ART3: variants seen among roughly 807,000 people sequenced by gnomAD.
ART3 encodes ADP-ribosyltransferase 3 (inactive), also known as ecto-ADP-ribosyltransferase 3.
Under a neutral mutation model 48.5 loss-of-function variants are expected in ART3, and 49 were observed. The observed-to-expected ratio is 1.01, with a 90% CI of 0.80 to 1.28. The LOEUF (loss-of-function observed/expected upper bound fraction) is 1.28, where lower values mean the gene tolerates loss of function less well. Among genes scored for constraint, ART3 ranks in the 50% most tolerant of loss-of-function variants. The pLI is 0.00. For synonymous variants in ART3, 145 were observed against 157.2 expected, an observed-to-expected ratio of 0.92 and a Z score of 0.58; for missense variants, 438 against 454.3, an observed-to-expected ratio of 0.96 and a Z score of 0.33.
At chr4:76,104,062 C>A in intron 9 of ART3, 93 bp downstream of exon 9, 2 of 1,343,120 alleles carry the variant, frequency 1.5e-6, no homozygotes, top group South Asian at 1.2e-5. Flanking sequence ...GACTATTATT[C>A]ATGAATATTT....
chr4:76,034,783 T>A, intron 1 of ART3: 2 of 1,519,114 alleles, frequency 1.3e-6, no homozygotes, highest in Non-Finnish European at 1.8e-6. Flanking sequence ...CTTCATATGT[T>A]TTGATATTTT....
Position 76,082,552 on chromosome 4 carries a change from T to G in ART3, c.781+17T>G, listed in dbSNP as rs1168372368. On this transcript the variant is annotated intron_variant, in intron 3 of 11. Coordinates refer to ENST00000355810, the MANE Select transcript of ART3 (RefSeq NM_001130016.3). ...TTCTAGGTGGTAAGTGTCTGCTCTG[T>G]CTGTGCTTGGCTGGGAGGGAAGGAG... 2.6e-6 allele frequency: 4 copies of G among 1,538,670 alleles called. No homozygotes were observed. Among genetic ancestry groups the G allele is most frequent in the Non-Finnish European group, 3.5e-6 (4 of 1,144,458 alleles).
intron 1 of ART3, among the ~76,000 whole-genome samples, chr4:76,039,090 G>T (rs939203772): frequency 1.4e-5 from 2 of 142,546 alleles, no homozygotes; most frequent in African/African-American, 5.3e-5. Context: ...ATAGACTGGG[G>T]ATAATAATAG....
intron 6 of ART3, 128 bp from the exon 7 acceptor site, chr4:76,100,667 T>G: frequency 8.8e-7 from 1 of 1,141,304 alleles, no homozygotes; most frequent in East Asian, 2.4e-5. Flanking sequence ...GCTTGCATTT[T>G]GCAAGATACC....
intron 1 of ART3, among the ~76,000 whole-genome samples, chr4:76,058,279 G>A (rs1418624207): frequency 1.3e-5 from 2 of 152,076 alleles, no homozygotes; most frequent in Non-Finnish European, 2.9e-5. Flanking sequence ...GACTTTGTTT[G>A]TAGTCTTTAA....
At chr4:76,037,704 T>C (rs1165734191) in intron 1 of ART3, among the ~76,000 whole-genome samples, 1 of 152,138 alleles carries the variant, frequency 6.6e-6, no homozygotes. Flanking sequence ...TTTAAAAAGA[T>C]TTTTACCTGA....
chr4:76,064,315 A>C (rs1049848490), intron 1 of ART3, among the ~76,000 whole-genome samples: 1 of 152,262 alleles, frequency 6.6e-6, no homozygotes, highest in African/African-American at 2.4e-5. Context: ...AGGAAAAATA[A>C]AAAATTTTAG....
chr4:76,109,787 G>A (rs955238500), intron 11 of ART3, among the ~76,000 whole-genome samples: 1 of 152,164 alleles, frequency 6.6e-6, no homozygotes, highest in South Asian at 2.1e-4. Flanking sequence ...TTGCACGACT[G>A]TACTAATGCA....
upstream of ART3, among the ~76,000 whole-genome samples, chr4:76,069,901 G>A (rs1720144596): frequency 6.6e-6 from 1 of 151,892 alleles, no homozygotes. Flanking sequence ...ACATACCCAA[G>A]ATGTAGGCCT....
intron 1 of ART3, among the ~76,000 whole-genome samples, chr4:76,068,645 G>T (rs1719977867): frequency 6.9e-6 from 1 of 144,902 alleles, no homozygotes; most frequent in African/African-American, 2.7e-5. Flanking sequence ...GGGTGGGAAG[G>T]GGAAGAGGAT....
At chr4:76,035,307 T>C (rs1734273054) in intron 1 of ART3, 1 of 1,614,074 alleles carries the variant, frequency 6.2e-7, no homozygotes, top group South Asian at 1.1e-5. Flanking sequence ...CCAGGGCCTA[T>C]GCAAAGACAG....
At chr4:76,019,756 A>ATCACATTC (rs1732612053) in intron 1 of ART3, among the ~76,000 whole-genome samples, 1 of 151,398 alleles carries the variant, frequency 6.6e-6, no homozygotes, top group Non-Finnish European at 1.5e-5. Flanking sequence ...GCCCGGCCAT[A>ATCACATTC]TCACATTCTG....
At chr4:76,100,015 T>C (rs1261957391) in intron 5 of ART3, among the ~76,000 whole-genome samples, 1 of 152,182 alleles carries the variant, frequency 6.6e-6, no homozygotes, top group African/African-American at 2.4e-5. Flanking sequence ...TAGCTGACTC[T>C]TCAACAAAGA....
In ART3 at chr4:76,082,041, T is replaced by C; in HGVS notation, c.287T>C (p.Ile96Thr). 6.2e-7 allele frequency: 1 copy of C among 1,614,238 alleles called. No individual in the cohort carries two copies. The highest frequency in any genetic ancestry group is 8.5e-7 in the Non-Finnish European group (1 of 1,180,040). ...LPMNFKDNHG[I>T]ALMAYISEAQ... is the part of the protein sequence containing the mutation. Reference sequence around the variant, plus strand: ...ATGAATTTTAAGGATAACCATGGAATAGCCCTGATGGCATATATTTCCGAA... The same window carrying C: ...ATGAATTTTAAGGATAACCATGGAACAGCCCTGATGGCATATATTTCCGAA... Residue 96 changes from isoleucine (I) to threonine (T), a missense_variant, in exon 3 of 12, where the codon ATA (isoleucine) becomes ACA (threonine). Ile to Thr is a moderately conservative substitution (Grantham distance 89, BLOSUM62 -1). Around this residue, in one of 3 missense-constraint regions of ART3, gnomAD observed 206 missense variants for 205.3 expected, o/e 1.00. Transcript: ENST00000355810.
intron 1 of ART3, among the ~76,000 whole-genome samples, chr4:76,038,437 C>T (rs1026291170): frequency 3.3e-5 from 5 of 152,088 alleles, no homozygotes; most frequent in Admixed American, 1.3e-4. Context: ...GAGGGGGCTA[C>T]TGTATTTTAA....
At chr4:76,093,497 T>C in intron 3 of ART3, among the ~76,000 whole-genome samples, 1 of 152,190 alleles carries the variant, frequency 6.6e-6, no homozygotes, top group Non-Finnish European at 1.5e-5. Flanking sequence ...GATCATCTCT[T>C]CTACTTCTTG....
rs1734881819 is a variant in ART3 at position 76,040,540 on chromosome 4, T to G, written c.-10+29220T>G. 2.9e-5 allele frequency among the ~76,000 whole-genome samples: 2 copies of G among 68,714 alleles called. 1 individual carries two copies. The highest frequency in any genetic ancestry group is 5.1e-5 in the Non-Finnish European group (2 of 39,590). 45.1% of individuals were successfully genotyped at this position (68,714 alleles called of 152,430 possible). On this transcript the variant is annotated intron_variant, in intron 1 of 9. Coordinates refer to the ART3 transcript ENST00000341029. ...GGTTCTCCCCCCCGCCCCCTCCATG[T>G]GTCAGGGACTATATAGATACTTCAG...
intron 1 of ART3, among the ~76,000 whole-genome samples, chr4:76,054,444 C>T (rs1236828656): frequency 1.3e-5 from 2 of 151,874 alleles, no homozygotes; most frequent in African/African-American, 4.8e-5. Flanking sequence ...AAAAATAGGA[C>T]AGGAAAGATG....
At chr4:76,034,738 C>T (rs1024734657) in intron 1 of ART3, 14 of 1,312,620 alleles carry the variant, frequency 1.1e-5, no homozygotes, top group Non-Finnish European at 1.5e-5. Context: ...CACAGTTAAA[C>T]TTGTTCTAGG....
Sources: gnomAD v4.1 joint callset for allele counts (sites outside exome capture counted in the v4.1 genomes callset) on GRCh38, gnomAD v4.1.1 for gene constraint, gnomAD v4.1.1 regional missense constraint, MANE v1.5 for transcripts, NCBI Gene and HGNC (gene_info 2026-07-23, HGNC 2026-07-21) for gene names.